Variants in ANK3 observed in about 807,000 individuals in gnomAD.
The protein encoded by ANK3 is ankyrin-3.
A neutral mutation model predicts 370.9 loss-of-function variants in ANK3; 57 were observed. The observed-to-expected ratio is 0.15, with a 90% CI of 0.12 to 0.19. The LOEUF is 0.19. Among genes scored for constraint, ANK3 ranks in the 10% least tolerant of loss-of-function variants. The pLI is 1.00. For missense variants in ANK3, 4,439 were observed against 5,302.1 expected (o/e 0.84, Z 5.06); for synonymous variants, 1,929 against 1,946.3 (o/e 0.99, Z 0.23).
chr10:60,271,151 GCAT>G (rs1465667350), intron 4 of ANK3, among the ~76,000 whole-genome samples: 1 of 151,854 alleles, frequency 6.6e-6, no homozygotes, highest in Non-Finnish European at 1.5e-5. Context: ...CAAGATATAA[GCAT>G]CAAACAATTT....
upstream of ANK3, chr10:60,389,889 G>C (rs937632504): frequency 1.0e-5 from 10 of 981,756 alleles, no homozygotes; most frequent in African/African-American, 5.2e-5. Context: ...TTCCTCGGAA[G>C]GGGGAATGCT....
intron 40 of ANK3, chr10:60,060,466 A>T (rs2080196288): frequency 6.6e-6 from 1 of 152,404 alleles, no homozygotes; most frequent in South Asian, 2.1e-4. Flanking sequence ...CAACTTTTAT[A>T]TTAATTACCT....
chr10:60,577,430 G>T (rs1349801365), intron 2 of ANK3, among the ~76,000 whole-genome samples: 2 of 152,074 alleles, frequency 1.3e-5, no homozygotes, highest in Non-Finnish European at 2.9e-5. Context: ...CACCTGTTGT[G>T]GGAGGGATGG....
chr10:60,450,505 G>A (rs1180699221), intron 2 of ANK3, among the ~76,000 whole-genome samples: 2 of 152,164 alleles, frequency 1.3e-5, no homozygotes, highest in South Asian at 2.1e-4. Flanking sequence ...AGCATTGTTA[G>A]CCAAAGAAGT....
intron 1 of ANK3, among the ~76,000 whole-genome samples, chr10:60,309,702 T>G (rs2045921023): frequency 6.6e-6 from 1 of 152,168 alleles, no homozygotes; most frequent in African/African-American, 2.4e-5. Context: ...TTTAAAATAC[T>G]TGTGATTAAA....
At chr10:60,588,296 T>G (rs562904160) in intron 2 of ANK3, among the ~76,000 whole-genome samples, 31 of 136,998 alleles carry the variant, frequency 2.3e-4, no homozygotes, top group Non-Finnish European at 3.7e-4. Flanking sequence ...GCAATTCTTC[T>G]GCCCCAGCCT....
In ANK3 at chr10:60,127,355, G is replaced by A. The variant is rs7092833; in HGVS notation, c.2841+6916C>T. 8.5e-5 allele frequency among the ~76,000 whole-genome samples: 13 copies of A among 152,246 alleles called. No homozygotes were observed. In the East Asian group the frequency reaches 1.4e-3, roughly 16 times the overall value. On this transcript the variant is annotated intron_variant, in intron 25 of 43. Transcript: ENST00000280772. ...GAGAAATGGGTGGGGTTAGGGATTC[G>A]ACCATCAGATCCAGGCACTGCCACG... is the stretch of plus-strand genomic sequence containing the variant.
intron 1 of ANK3, among the ~76,000 whole-genome samples, chr10:60,700,080 T>C (rs1763599341): frequency 1.3e-5 from 2 of 152,148 alleles, no homozygotes; most frequent in Admixed American, 1.3e-4. Context: ...CCCACTCCTC[T>C]CCCAGTCAGC....
intron 1 of ANK3, among the ~76,000 whole-genome samples, chr10:60,285,617 C>A (rs2098232749): frequency 6.6e-6 from 1 of 151,856 alleles, no homozygotes; most frequent in South Asian, 2.1e-4. Context: ...ACTCACATTT[C>A]TTTCCTTCCT....
intron 41 of ANK3, among the ~76,000 whole-genome samples, chr10:60,058,370 G>T (rs564820469): frequency 6.7e-6 from 1 of 149,270 alleles, no homozygotes; most frequent in East Asian, 1.9e-4. Flanking sequence ...AAATTATTTT[G>T]GGTAAAGACA....
intron 1 of ANK3, among the ~76,000 whole-genome samples, chr10:60,308,498 A>T (rs994167850): frequency 3.3e-5 from 5 of 151,610 alleles, no homozygotes; most frequent in Admixed American, 6.6e-5. Flanking sequence ...CTGGTCTCGA[A>T]CTCCTGATGT....
intron 2 of ANK3, among the ~76,000 whole-genome samples, chr10:60,564,147 C>G (rs1480115738): frequency 2.0e-5 from 3 of 152,074 alleles, no homozygotes; most frequent in Non-Finnish European, 4.4e-5. Context: ...TGAATGCCTA[C>G]TGACTATAAA....
At chr10:60,404,696 T>C (rs1021895346) in intron 2 of ANK3, among the ~76,000 whole-genome samples, 2 of 152,056 alleles carry the variant, frequency 1.3e-5, no homozygotes, top group African/African-American at 4.8e-5. Context: ...CAGAATATAG[T>C]AGTTACAAAA....
intron 2 of ANK3, among the ~76,000 whole-genome samples, chr10:60,558,593 T>C (rs1207237271): frequency 6.6e-6 from 1 of 152,192 alleles, no homozygotes; most frequent in Non-Finnish European, 1.5e-5. Context: ...CAAGGATTTT[T>C]AGAACACAAA....
chr10:60,413,443 C>T (rs1469915758), intron 2 of ANK3, among the ~76,000 whole-genome samples: 2 of 152,210 alleles, frequency 1.3e-5, no homozygotes, highest in Non-Finnish European at 2.9e-5. Context: ...ACAATCTTCT[C>T]TAGTTCCCAA....
At position 60,279,134 on chromosome 10, in the gene ANK3, A is replaced by G. The variant is rs368699760; in HGVS notation, c.231T>C (p.Ala77=). 3.7e-6 allele frequency: 6 copies of G among 1,613,664 alleles called. No individual in the cohort carries two copies. In the African/African-American group the frequency reaches 5.3e-5, roughly 14 times the overall value. ...GGCCTTCTTTGGAAGCAAGGTGGAG[A>G]GCGTTCAACCCATTCTGATTAAAAG... is the stretch of plus-strand genomic sequence containing the variant. The part of the protein sequence containing the change: ...INICNQNGLN[A]LHLASKEGHV... Residue 77 remains alanine, a synonymous_variant, in exon 3 of 44, where the codon GCT becomes GCC. Coordinates refer to ENST00000280772, the MANE Select transcript of ANK3 (RefSeq NM_020987.5).
intron 1 of ANK3, among the ~76,000 whole-genome samples, chr10:60,724,348 T>C (rs2079912322): frequency 6.6e-6 from 1 of 151,568 alleles, no homozygotes; most frequent in Middle Eastern, 3.4e-3. Context: ...TCCCCTCTAC[T>C]ACAAAAAGGT....
chr10:60,614,976 C>T (rs1023100121), intron 2 of ANK3, among the ~76,000 whole-genome samples: 7 of 152,026 alleles, frequency 4.6e-5, no homozygotes, highest in Admixed American at 6.6e-5. Flanking sequence ...AGCACAAGTC[C>T]GGGTGACCAG....
chr10:60,421,348 C>T (rs547368334), intron 2 of ANK3, among the ~76,000 whole-genome samples: 5 of 151,292 alleles, frequency 3.3e-5, no homozygotes, highest in African/African-American at 1.2e-4. Context: ...TCTTTTATTA[C>T]AATAAAAAAG....
Sources: gnomAD v4.1 joint callset for allele counts (sites outside exome capture counted in the v4.1 genomes callset) on GRCh38, gnomAD v4.1.1 for gene constraint, MANE v1.5 for transcripts, NCBI Gene and HGNC (gene_info 2026-07-23, HGNC 2026-07-21) for gene names.